DNAH8: variants seen among roughly 807,000 people sequenced by gnomAD.
DNAH8 encodes the protein dynein axonemal heavy chain 8, also known as axonemal beta dynein heavy chain 8.
Under a neutral mutation model 562.1 loss-of-function variants are expected in DNAH8, and 382 were observed. The observed-to-expected ratio is 0.68, with a 90% CI of 0.63 to 0.74. The LOEUF (loss-of-function observed/expected upper bound fraction) is 0.74, where lower values mean the gene tolerates loss of function less well. Among genes scored for constraint, DNAH8 ranks in the 30% least tolerant of loss-of-function variants. DNAH8 has a pLI of 0.00. For synonymous variants in DNAH8, 1,881 were observed against 1,919.4 expected (o/e 0.98, Z 0.52); for missense variants, 5,203 against 5,620.4 (o/e 0.93, Z 2.37).
chr6:38,926,090 T>C lies in DNAH8; in HGVS notation c.10998T>C (p.Asp3666=), dbSNP rs201841900. 74 of 1,613,692 alleles carry C rather than the reference T, an allele frequency of 4.6e-5. No individual in the cohort carries two copies. In the Middle Eastern group the frequency reaches 4.9e-4, roughly 11 times the overall value. Residue 3666 remains aspartate (D), a synonymous_variant, in exon 74 of 93, where the codon GAT becomes GAC. Coordinates refer to ENST00000327475, the MANE Select transcript of DNAH8 (RefSeq NM_001206927.2). Reference sequence around the variant, plus strand: ...GGGGGCTACAGGGATTACCAGGAGATGATCTCTCAATTCAGAATGGCATTA... The same window carrying C: ...GGGGGCTACAGGGATTACCAGGAGACGATCTCTCAATTCAGAATGGCATTA... ...GEWGLQGLPG[D]DLSIQNGIIV... is the part of the protein sequence containing the mutation.
At chr6:38,846,256 A>G (rs1775294738) in intron 36 of DNAH8, among the ~76,000 whole-genome samples, 1 of 152,194 alleles carries the variant, frequency 6.6e-6, no homozygotes, top group South Asian at 2.1e-4. Context: ...TGGTGAAAAG[A>G]GCCTGAGACC....
chr6:38,734,242 C>T (rs1210811752), intron 4 of DNAH8, among the ~76,000 whole-genome samples: 1 of 146,974 alleles, frequency 6.8e-6, no homozygotes, highest in Non-Finnish European at 1.5e-5. Context: ...TGAGATTGCA[C>T]TACTGCACTC....
chr6:38,891,757 A>C (rs1184394204), intron 58 of DNAH8, among the ~76,000 whole-genome samples: 1 of 152,178 alleles, frequency 6.6e-6, no homozygotes, highest in Non-Finnish European at 1.5e-5. Context: ...TGCTCAATTT[A>C]CTGTGCTTAT....
chr6:38,895,551 G>A (rs1779619252), intron 59 of DNAH8, among the ~76,000 whole-genome samples: 1 of 152,102 alleles, frequency 6.6e-6, no homozygotes, highest in African/African-American at 2.4e-5. Context: ...GTTAAATTCA[G>A]TCATCTTTTG....
intron 21 of DNAH8, among the ~76,000 whole-genome samples, chr6:38,800,207 G>A (rs540419363): frequency 8.6e-5 from 13 of 151,204 alleles, no homozygotes; most frequent in Admixed American, 4.7e-4. Context: ...GCGAACATAA[G>A]TGTCTATTTT....
chr6:39,022,184 A>G (rs1016075611), intron 91 of DNAH8, among the ~76,000 whole-genome samples: 1 of 152,226 alleles, frequency 6.6e-6, no homozygotes, highest in Middle Eastern at 3.4e-3. Flanking sequence ...TGTGTGGGTA[A>G]GTGGGGGGTA....
chr6:38,840,705 A>T (rs1323884610), intron 33 of DNAH8, among the ~76,000 whole-genome samples: 1 of 152,156 alleles, frequency 6.6e-6, no homozygotes, highest in South Asian at 2.1e-4. Flanking sequence ...TTCTTTGTCA[A>T]TTTTCTTCTC....
intron 89 of DNAH8, among the ~76,000 whole-genome samples, chr6:39,010,820 C>CACAT (rs1554163118): frequency 1.5e-5 from 2 of 132,760 alleles, no homozygotes; most frequent in Admixed American, 8.1e-5. Flanking sequence ...CACACACACA[C>CACAT]GTATGTATGT....
At chr6:39,009,646 A>G (rs1194350555) in intron 89 of DNAH8, among the ~76,000 whole-genome samples, 1 of 152,194 alleles carries the variant, frequency 6.6e-6, no homozygotes, top group East Asian at 1.9e-4. Flanking sequence ...TGCTCAGGAC[A>G]GCACCAGCAG....
rs767028862 is a variant in DNAH8 at position 38,715,903 on chromosome 6, AAAATAAAT to A, written c.-35+506_-35+513del. The stretch of plus-strand genomic sequence containing the variant: ...AACCACCTGTACCCGAAAAGCTATT[AAAATAAAT>A]AAATAAATAAATAAATATATATATA... On this transcript the variant is annotated intron_variant, in intron 1 of 92. Transcript: ENST00000327475. Among the ~76,000 whole-genome samples the A allele has an allele frequency of 3.8e-4, 25 of 65,222 alleles. 3 individuals carry two copies. Among genetic ancestry groups the A allele is most frequent in the East Asian group, 2.7e-3 (7 of 2,598 alleles). The allele number at this position is 65,222 out of a possible 152,430, so 42.8% of individuals were successfully genotyped here.
intron 12 of DNAH8, among the ~76,000 whole-genome samples, chr6:38,774,056 G>A (rs965277205): frequency 2.6e-5 from 4 of 152,122 alleles, no homozygotes; most frequent in African/African-American, 9.7e-5. Context: ...TCTTTTTATG[G>A]CAGGTATAGA....
chr6:38,816,996 A>G (rs1411760722), intron 26 of DNAH8, among the ~76,000 whole-genome samples: 1 of 152,194 alleles, frequency 6.6e-6, no homozygotes, highest in African/African-American at 2.4e-5. Flanking sequence ...AACTGGTCTC[A>G]AAACTATGTC....
chr6:38,982,975 T>A (rs1352285948), intron 86 of DNAH8, among the ~76,000 whole-genome samples: 1 of 152,180 alleles, frequency 6.6e-6, no homozygotes, highest in Non-Finnish European at 1.5e-5. Flanking sequence ...CCCTGTGAGA[T>A]CAATAAAAAA....
At position 38,927,228 on chromosome 6, in the gene DNAH8, T is replaced by A. The variant is rs1322804916; in HGVS notation, c.11118+1018T>A. Among the ~76,000 whole-genome samples the A allele has an allele frequency of 3.3e-5, 5 of 152,328 alleles. No homozygotes were observed. In the South Asian group the frequency reaches 6.2e-4, roughly 19 times the overall value. ...ATTCAATGCTCATTCATGATCAAAT[T>A]TCCAGCAAACTGGGAGAGATCTTCC... On this transcript the variant is annotated intron_variant, in intron 74 of 92. Transcript: ENST00000327475.
chr6:39,001,317 T>G (rs539145801), intron 88 of DNAH8, among the ~76,000 whole-genome samples: 8 of 152,086 alleles, frequency 5.3e-5, no homozygotes, highest in African/African-American at 1.9e-4. Context: ...ATCACATAAT[T>G]CAGGCTGAAG....
Position 38,783,074 on chromosome 6 carries a change from T to A in DNAH8, c.2330T>A (p.Val777Glu), listed in dbSNP as rs1406007553. The change falls in exon 17 of 93, where the codon GTG becomes GAG. Residue 777 changes from valine (V) to glutamate (E), a missense_variant. This residue lies in a region of DNAH8 where 2,176 missense variants were observed against 2,365.1 expected (regional missense o/e 0.92). Transcript: ENST00000327475. Reference sequence around the variant, plus strand: ...CGTCAGTATAACAAGATCTCCTATGTGCTGGTGGAATTCGAGGTGGTCTAT... The same window carrying A: ...CGTCAGTATAACAAGATCTCCTATGAGCTGGTGGAATTCGAGGTGGTCTAT... ...VIRQYNKISYVLVEFEVVYHT... is the reference protein window; with the variant it reads ...VIRQYNKISYELVEFEVVYHT... 6.2e-7 allele frequency: 1 copy of A among 1,613,856 alleles called. No individual in the cohort carries two copies. Among genetic ancestry groups the A allele is most frequent in the African/African-American group, 1.3e-5 (1 of 74,916 alleles).
rs577396855 is a variant in DNAH8, at chr6:38,863,172, G to A, written c.6311-701G>A. 5.9e-5 allele frequency among the ~76,000 whole-genome samples: 9 copies of A among 152,224 alleles called. No homozygotes were observed. In the South Asian group the frequency reaches 1.9e-3, roughly 32 times the overall value. Reference sequence around the variant, plus strand: ...AAACTCCCGGCCGGGCACGGCTCACGCTTGTAATCCCAGCACTTTGGGAGG... The same window carrying A: ...AAACTCCCGGCCGGGCACGGCTCACACTTGTAATCCCAGCACTTTGGGAGG... On this transcript the variant is annotated intron_variant, in intron 44 of 92. Coordinates refer to ENST00000327475, the MANE Select transcript of DNAH8 (RefSeq NM_001206927.2).
chr6:38,783,946 A>G (rs536159746), intron 17 of DNAH8, among the ~76,000 whole-genome samples: 15 of 152,320 alleles, frequency 9.8e-5, no homozygotes, highest in African/African-American at 3.6e-4. Context: ...CAAGTTCTGC[A>G]GGTGGGTTGC....
At chr6:38,757,535 A>T (rs1162830062) in intron 10 of DNAH8, among the ~76,000 whole-genome samples, 1 of 151,986 alleles carries the variant, frequency 6.6e-6, no homozygotes, top group Admixed American at 6.5e-5. Flanking sequence ...ATTAGATCCC[A>T]TTTGTCAATT....
Sources: gnomAD v4.1 joint callset for allele counts (sites outside exome capture counted in the v4.1 genomes callset) on GRCh38, gnomAD v4.1.1 for gene constraint, gnomAD v4.1.1 regional missense constraint, MANE v1.5 for transcripts, NCBI Gene and HGNC (gene_info 2026-07-23, HGNC 2026-07-21) for gene names.